The following TTC28 variants were observed in gnomAD, a reference collection of about 807,000 sequenced individuals.
TTC28 encodes the protein tetratricopeptide repeat protein 28.
TTC28 carries 61 observed loss-of-function variants against 198.0 expected under a neutral mutation model. The observed-to-expected ratio is 0.31, with a 90% CI of 0.25 to 0.38. The LOEUF is 0.38. TTC28 is among the 10% of genes least tolerant of loss of function. TTC28 has a pLI of 1.00. For missense variants in TTC28, 2,678 were observed against 3,164.0 expected (o/e 0.85, Z 3.69); for synonymous variants, 1,171 against 1,297.8 (o/e 0.90, Z 2.10).
intron 2 of TTC28, among the ~76,000 whole-genome samples, chr22:28,511,454 T>C (rs1300295088): frequency 3.3e-5 from 5 of 152,178 alleles, no homozygotes; most frequent in Non-Finnish European, 7.3e-5. Flanking sequence ...TGGCTAGCCA[T>C]ATGCAGAAAA....
intron 2 of TTC28, among the ~76,000 whole-genome samples, chr22:28,314,873 TA>T (rs986797471): frequency 6.6e-5 from 10 of 151,578 alleles, no homozygotes; most frequent in African/African-American, 2.4e-4. Flanking sequence ...ACCTTATCTC[TA>T]AAAAAAAGAA....
At chr22:28,235,962 G>A (rs1162326394) in intron 5 of TTC28, among the ~76,000 whole-genome samples, 1 of 152,190 alleles carries the variant, frequency 6.6e-6, no homozygotes, top group Non-Finnish European at 1.5e-5. Flanking sequence ...AGCAGCTACT[G>A]CTTTCTAAGA....
At chr22:28,351,899 T>G (rs183892843) in intron 2 of TTC28, among the ~76,000 whole-genome samples, 1 of 152,212 alleles carries the variant, frequency 6.6e-6, no homozygotes, top group Non-Finnish European at 1.5e-5. Context: ...GATTTTTCAC[T>G]GATTCTGTCT....
intron 12 of TTC28, among the ~76,000 whole-genome samples, chr22:28,054,779 C>T (rs1467548590): frequency 6.6e-6 from 1 of 152,194 alleles, no homozygotes; most frequent in Admixed American, 6.5e-5. Flanking sequence ...TTAATATTTA[C>T]CTCCTCCATG....
intron 5 of TTC28, among the ~76,000 whole-genome samples, chr22:28,219,275 G>A (rs1384520043): frequency 1.3e-5 from 2 of 152,134 alleles, no homozygotes; most frequent in East Asian, 3.9e-4. Flanking sequence ...TTGGGAGGTC[G>A]AGGCAGGTGG....
chr22:28,617,852 G>A (rs893456644), intron 2 of TTC28, among the ~76,000 whole-genome samples: 8 of 152,196 alleles, frequency 5.3e-5, no homozygotes, highest in Non-Finnish European at 1.0e-4. Flanking sequence ...CCAGAAATAT[G>A]AGACTGTCCT....
intron 2 of TTC28, among the ~76,000 whole-genome samples, chr22:28,619,486 C>T (rs977028867): frequency 7.2e-5 from 11 of 152,084 alleles, no homozygotes; most frequent in African/African-American, 2.7e-4. Context: ...AACACCAGTC[C>T]CCTAACAACA....
chr22:28,113,616 T>C (rs890986657), intron 6 of TTC28, among the ~76,000 whole-genome samples: 5 of 152,204 alleles, frequency 3.3e-5, no homozygotes, highest in African/African-American at 1.2e-4. Flanking sequence ...AGGTGTGACA[T>C]AGGACAGTGG....
At chr22:28,060,610 C>G (rs915633208) in intron 12 of TTC28, among the ~76,000 whole-genome samples, 1 of 152,130 alleles carries the variant, frequency 6.6e-6, no homozygotes, top group Non-Finnish European at 1.5e-5. Context: ...GGGTATATAC[C>G]CAGTAATGGG....
chr22:28,533,547 G>A (rs1297939224), intron 2 of TTC28, among the ~76,000 whole-genome samples: 1 of 150,668 alleles, frequency 6.6e-6, no homozygotes, highest in Non-Finnish European at 1.5e-5. Flanking sequence ...TCACAGAATT[G>A]GAAAAAAACT....
chr22:28,391,384 G>A (rs1271774428), intron 2 of TTC28, among the ~76,000 whole-genome samples: 3 of 152,058 alleles, frequency 2.0e-5, no homozygotes, highest in Non-Finnish European at 2.9e-5. Context: ...TCTGAATGTT[G>A]GCCTGCCTTG....
At chr22:28,417,058 A>G (rs953779472) in intron 2 of TTC28, among the ~76,000 whole-genome samples, 2 of 152,114 alleles carry the variant, frequency 1.3e-5, no homozygotes, top group South Asian at 4.1e-4. Flanking sequence ...AATTCCAATG[A>G]GAAGTATCTT....
intron 1 of TTC28, among the ~76,000 whole-genome samples, chr22:28,640,311 AAG>A (rs1491166006): frequency 8.9e-6 from 1 of 112,628 alleles, no homozygotes; most frequent in Non-Finnish European, 1.8e-5. Flanking sequence ...AAAAAAAGTA[AAG>A]GGGGGGGGGG....
At position 28,632,253 on chromosome 22, in the gene TTC28, C is replaced by CTTTTTTTTTT. The variant is rs765447917; in HGVS notation, c.103-2433_103-2424dup. On this transcript the variant is annotated intron_variant, in intron 1 of 22. Coordinates refer to ENST00000397906, the MANE Select transcript of TTC28 (RefSeq NM_001145418.2). ...ATATCAGTGTCCAAGTTATATTCAA[C>CTTTTTTTTTT]TTTTTTTTTTTTTTTTTTTTTTTTT... 2.0e-4 allele frequency among the ~76,000 whole-genome samples: 10 copies of CTTTTTTTTTT among 49,698 alleles called. 2 individuals are homozygous for CTTTTTTTTTT. Among genetic ancestry groups the CTTTTTTTTTT allele is most frequent in the Admixed American group, 1.1e-3 (3 of 2,848 alleles). 32.6% of individuals were successfully genotyped at this position (49,698 alleles called of 152,430 possible).
chr22:28,411,967 C>T (rs1302113192), intron 2 of TTC28, among the ~76,000 whole-genome samples: 2 of 152,126 alleles, frequency 1.3e-5, no homozygotes, highest in Non-Finnish European at 2.9e-5. Context: ...TATTCAAATA[C>T]TTTAAAGTAT....
intron 2 of TTC28, among the ~76,000 whole-genome samples, chr22:28,325,262 T>C (rs1223563609): frequency 6.6e-6 from 1 of 152,230 alleles, no homozygotes; most frequent in Non-Finnish European, 1.5e-5. Flanking sequence ...TTTATTTGCA[T>C]AGTGGTGTTT....
At chr22:28,491,001 G>T (rs186697958) in intron 2 of TTC28, among the ~76,000 whole-genome samples, 101 of 152,276 alleles carry the variant, frequency 6.6e-4, no homozygotes, top group Non-Finnish European at 1.3e-3. Flanking sequence ...TGATATTCAA[G>T]AAGTTTGTTT....
intron 5 of TTC28, among the ~76,000 whole-genome samples, chr22:28,165,511 A>G (rs867175231): frequency 1.1e-4 from 16 of 151,880 alleles, no homozygotes; most frequent in Admixed American, 2.0e-4. Context: ...AGAAGAGAGT[A>G]GGGGCCAATA....
Position 28,163,225 on chromosome 22 carries a change from G to C in TTC28, c.1308C>G (p.Ala436=). 1 of 1,551,756 alleles carries C rather than the reference G, an allele frequency of 6.4e-7. No individual in the cohort carries two copies. The highest frequency in any genetic ancestry group is 1.2e-5 in the South Asian group (1 of 84,056). Reference sequence around the variant, plus strand: ...TGGCAGCATGGCCTAGTCCAGCATAGGCCCGCATCTCAATAGCCTTCTCCA... The same window carrying C: ...TGGCAGCATGGCCTAGTCCAGCATACGCCCGCATCTCAATAGCCTTCTCCA... ...ELMEKAIEMR[A]YAGLGHAARC... Residue 436 remains alanine, a synonymous_variant, in exon 6 of 23, where the codon GCC becomes GCG. Coordinates refer to ENST00000397906, the MANE Select transcript of TTC28 (RefSeq NM_001145418.2).
Sources: gnomAD v4.1 joint callset for allele counts (sites outside exome capture counted in the v4.1 genomes callset) on GRCh38, gnomAD v4.1.1 for gene constraint, MANE v1.5 for transcripts, NCBI Gene and HGNC (gene_info 2026-07-23, HGNC 2026-07-21) for gene names.